The following ST6GAL1 variants were observed in gnomAD, a reference collection of about 807,000 sequenced individuals.
The protein encoded by ST6GAL1 is beta-galactoside alpha-2,6-sialyltransferase 1.
Under a neutral mutation model 38.0 loss-of-function variants are expected in ST6GAL1, and 20 were observed. The ratio of observed to expected loss-of-function variants is 0.53; its 90% CI spans 0.37 to 0.77. The LOEUF is 0.77. ST6GAL1 is among the 30% of genes least tolerant of loss of function. The pLI, the probability that ST6GAL1 is intolerant of heterozygous loss-of-function variation, is 0.00. For missense variants in ST6GAL1, 432 were observed against 496.4 expected (o/e 0.87, Z 1.23); for synonymous variants, 196 against 188.2 (o/e 1.04, Z -0.34).
intron 4 of ST6GAL1, among the ~76,000 whole-genome samples, chr3:187,047,623 C>T (rs1168316707): frequency 6.6e-6 from 1 of 152,054 alleles, no homozygotes; most frequent in Non-Finnish European, 1.5e-5. Context: ...TTTCTGCAGC[C>T]TTTCCCCCTC....
At chr3:186,950,271 T>C (rs932321082) in intron 1 of ST6GAL1, among the ~76,000 whole-genome samples, 1 of 152,230 alleles carries the variant, frequency 6.6e-6, no homozygotes, top group Non-Finnish European at 1.5e-5. Context: ...GGAGGCTCCC[T>C]GGACAGGTGA....
At chr3:187,057,171 C>T (rs1718733795) in intron 5 of ST6GAL1, among the ~76,000 whole-genome samples, 1 of 152,164 alleles carries the variant, frequency 6.6e-6, no homozygotes, top group Non-Finnish European at 1.5e-5. Context: ...TTAAGGTCTT[C>T]TCTATACTGT....
chr3:186,965,821 C>A (rs147314910), intron 2 of ST6GAL1, among the ~76,000 whole-genome samples: 60 of 152,332 alleles, frequency 3.9e-4, no homozygotes, highest in Admixed American at 7.8e-4. Context: ...CAGTGTACTT[C>A]CTGAGGTGCC....
intron 2 of ST6GAL1, among the ~76,000 whole-genome samples, chr3:187,010,257 C>T (rs957861366): frequency 1.3e-5 from 2 of 152,138 alleles, no homozygotes; most frequent in Non-Finnish European, 2.9e-5. Context: ...TCAGAGAAGA[C>T]GTTCCATGTT....
chr3:187,022,287 T>G (rs1717345103), intron 2 of ST6GAL1, among the ~76,000 whole-genome samples: 1 of 152,106 alleles, frequency 6.6e-6, no homozygotes, highest in African/African-American at 2.4e-5. Flanking sequence ...TAAGTCATCT[T>G]CTGTGTTGAT....
At chr3:186,983,543 T>A (rs1715763337) in intron 2 of ST6GAL1, among the ~76,000 whole-genome samples, 1 of 151,782 alleles carries the variant, frequency 6.6e-6, no homozygotes, top group Non-Finnish European at 1.5e-5. Context: ...GGGTGAGGGA[T>A]GAGTTGAATA....
intron 2 of ST6GAL1, chr3:186,964,184 G>C (rs1422525135): frequency 6.6e-6 from 1 of 152,186 alleles, no homozygotes; most frequent in Non-Finnish European, 1.5e-5. Context: ...GAATTCCCAA[G>C]GGAATACATT....
intron 2 of ST6GAL1, among the ~76,000 whole-genome samples, chr3:187,001,603 G>C (rs1238896715): frequency 2.0e-5 from 3 of 152,090 alleles, no homozygotes; most frequent in Non-Finnish European, 4.4e-5. Flanking sequence ...AGGGGTTTAA[G>C]TGAGAAAATG....
chr3:186,938,266 A>C (rs972094736), intron 1 of ST6GAL1, among the ~76,000 whole-genome samples: 1 of 152,210 alleles, frequency 6.6e-6, no homozygotes, highest in African/African-American at 2.4e-5. Context: ...TATTGTGGGA[A>C]TGGGAAAAAC....
intron 2 of ST6GAL1, among the ~76,000 whole-genome samples, chr3:187,001,969 A>C (rs1716634632): frequency 1.3e-5 from 2 of 151,102 alleles, no homozygotes; most frequent in Non-Finnish European, 2.9e-5. Context: ...AAAAAAAAAA[A>C]AACCCAAAAA....
At chr3:186,931,955 A>T (rs1024466268) in intron 1 of ST6GAL1, among the ~76,000 whole-genome samples, 6 of 152,220 alleles carry the variant, frequency 3.9e-5, no homozygotes, top group African/African-American at 7.2e-5. Flanking sequence ...TGCAGATGTT[A>T]ATCGGACACG....
chr3:187,021,344 G>A (rs1717291462), intron 2 of ST6GAL1, among the ~76,000 whole-genome samples: 1 of 152,186 alleles, frequency 6.6e-6, no homozygotes, highest in Non-Finnish European at 1.5e-5. Context: ...GGGCTTTTTA[G>A]ACTTCAGGGA....
At chr3:186,933,617 C>A (rs564440032) in intron 1 of ST6GAL1, among the ~76,000 whole-genome samples, 2 of 152,310 alleles carry the variant, frequency 1.3e-5, no homozygotes, top group South Asian at 4.1e-4. Context: ...CTGTAAGGAA[C>A]TTCAGAAATC....
intron 1 of ST6GAL1, chr3:186,931,073 G>C: frequency 6.6e-6 from 1 of 152,066 alleles, no homozygotes; most frequent in East Asian, 1.9e-4. Flanking sequence ...GGCTCCGCGA[G>C]CCTGCGGATC....
chr3:186,973,170 G>A (rs906834220), intron 2 of ST6GAL1, among the ~76,000 whole-genome samples: 11 of 152,132 alleles, frequency 7.2e-5, no homozygotes, highest in Non-Finnish European at 7.4e-5. Context: ...TGAGTAGCTG[G>A]GATTGCAGGC....
chr3:187,006,812 A>C (rs1262401048), intron 2 of ST6GAL1, among the ~76,000 whole-genome samples: 1 of 152,210 alleles, frequency 6.6e-6, no homozygotes, highest in Non-Finnish European at 1.5e-5. Flanking sequence ...AACAAAGAGA[A>C]TCGTGAAAAA....
intron 2 of ST6GAL1, among the ~76,000 whole-genome samples, chr3:187,026,025 T>A (rs1370633245): frequency 1.3e-5 from 2 of 152,202 alleles, no homozygotes; most frequent in African/African-American, 4.8e-5. Flanking sequence ...CTCCCCACCA[T>A]GAGCCATGCA....
At position 186,995,542 on chromosome 3, in the gene ST6GAL1, G is replaced by T. The variant is rs183002119; in HGVS notation, c.-183+31616G>T. 6.7e-3 allele frequency among the ~76,000 whole-genome samples: 965 copies of T among 143,730 alleles called. 14 individuals are homozygous for T. Among genetic ancestry groups the T allele is most frequent in the African/African-American group, 0.024 (931 of 38,514 alleles). The allele number at this position is 143,730 out of a possible 152,430, so 94.3% of individuals were successfully genotyped here. ...AATAATAAAATAAAAAAAAAATAAA[G>T]AAATTGTTAAAATGCAGGCTGTGCA... On this transcript the variant is annotated intron_variant, in intron 2 of 7. Transcript: ENST00000169298.
intron 1 of ST6GAL1, among the ~76,000 whole-genome samples, chr3:186,960,872 T>C (rs772639334): frequency 4.6e-5 from 7 of 151,868 alleles, no homozygotes; most frequent in Non-Finnish European, 1.0e-4. Flanking sequence ...TGGGCCTGCA[T>C]GGTGTCCTGT....
Sources: gnomAD v4.1 joint callset for allele counts (sites outside exome capture counted in the v4.1 genomes callset) on GRCh38, gnomAD v4.1.1 for gene constraint, MANE v1.5 for transcripts, NCBI Gene and HGNC (gene_info 2026-07-23, HGNC 2026-07-21) for gene names.